Variants in APCDD1L observed in about 807,000 individuals in gnomAD.
The protein encoded by APCDD1L is protein APCDD1-like.
A neutral mutation model predicts 24.2 loss-of-function variants in APCDD1L; 21 were observed. That is an observed-to-expected ratio of 0.87 (90% CI 0.61 to 1.25). The LOEUF (loss-of-function observed/expected upper bound fraction) is 1.25, where lower values mean the gene tolerates loss of function less well. APCDD1L is among the 50% of genes most tolerant of loss of function. The probability of loss-of-function intolerance (pLI) is 0.00; values close to 1 mark genes in which losing one functional copy is unlikely to be tolerated. For missense variants in APCDD1L, 704 were observed against 711.7 expected, an observed-to-expected ratio of 0.99 and a Z score of 0.12; for synonymous variants, 321 against 323.6, an observed-to-expected ratio of 0.99 and a Z score of 0.09.
chr20:58,480,437 C>T (rs555650381), intron 1 of APCDD1L, among the ~76,000 whole-genome samples: 1 of 152,196 alleles, frequency 6.6e-6, no homozygotes, highest in Non-Finnish European at 1.5e-5. Context: ...ACTGGCCCCC[C>T]AGTTCTCCAT....
intron 1 of APCDD1L, among the ~76,000 whole-genome samples, chr20:58,503,084 G>T (rs1278905598): frequency 6.6e-6 from 1 of 152,144 alleles, no homozygotes; most frequent in Non-Finnish European, 1.5e-5. Flanking sequence ...TTTCCCTAAG[G>T]CAGCATTTAC....
rs372142674 is a variant in APCDD1L, at chr20:58,512,814, G to C, written c.49+1845C>G. Among the ~76,000 whole-genome samples, 15 of 152,172 alleles carry C rather than the reference G, an allele frequency of 9.9e-5. 2 individuals are homozygous for C. Among genetic ancestry groups the C allele is most frequent in the African/African-American group, 3.6e-4 (15 of 41,536 alleles). On this transcript the variant is annotated intron_variant, in intron 1 of 3. Coordinates refer to ENST00000371149, the MANE Select transcript of APCDD1L (RefSeq NM_153360.3). ...TCAGTGGAAAATAGTGCCCGGTGTAGAGCTGGGAGCTGCAGTGGCAGGCTG... is the reference window on the plus strand; with the variant it reads ...TCAGTGGAAAATAGTGCCCGGTGTACAGCTGGGAGCTGCAGTGGCAGGCTG...
Position 58,498,120 on chromosome 20 carries a change from G to A in APCDD1L, c.49+16539C>T, listed in dbSNP as rs140422320. Reference sequence around the variant, plus strand: ...GAGGCGTTTTCATGCTAACTATGGCGTTCTTTGTCTCATTTGCAATGGAAA... The same window carrying A: ...GAGGCGTTTTCATGCTAACTATGGCATTCTTTGTCTCATTTGCAATGGAAA... On this transcript the variant is annotated intron_variant, in intron 1 of 3. Transcript: ENST00000371149. 8.7e-4 allele frequency among the ~76,000 whole-genome samples: 132 copies of A among 152,198 alleles called. 1 individual carries two copies. The highest frequency in any genetic ancestry group is 2.8e-3 in the African/African-American group (118 of 41,532).
intron 1 of APCDD1L, among the ~76,000 whole-genome samples, chr20:58,488,914 G>A (rs552386961): frequency 6.6e-6 from 1 of 152,234 alleles, no homozygotes; most frequent in South Asian, 2.1e-4. Flanking sequence ...CAAGGTCCAA[G>A]ATGCTTCTGT....
intron 1 of APCDD1L, among the ~76,000 whole-genome samples, chr20:58,479,647 A>T (rs1434475294): frequency 7.3e-5 from 11 of 151,112 alleles, no homozygotes; most frequent in Non-Finnish European, 1.5e-4. Context: ...TTTATTTCAA[A>T]ACCGTCAGCT....
Position 58,461,229 on chromosome 20 carries a change from G to A in APCDD1L, c.1067C>T (p.Thr356Ile), listed in dbSNP as rs1428719806. 6.8e-6 allele frequency: 11 copies of A among 1,613,682 alleles called. No individual in the cohort carries two copies. The highest frequency in any genetic ancestry group is 9.3e-6 in the Non-Finnish European group (11 of 1,179,894). ...GTCCATGGGGGTCACATGGGCCCGT[G>A]TGACCTCAAACACCAGCTCGGTGCC... ...RGGTELVFEV[T>I]RAHVTPMDQV... Residue 356 changes from threonine to isoleucine, a missense_variant, in exon 4 of 4, where the codon ACA (threonine) becomes ATA (isoleucine). Thr to Ile is a moderately conservative substitution (Grantham distance 89). Transcript: ENST00000371149. The surrounding 1 kb of genome is among the most constrained non-coding windows in gnomAD (Gnocchi z 6.0).
intron 1 of APCDD1L, among the ~76,000 whole-genome samples, chr20:58,479,434 G>A (rs931082278): frequency 2.6e-5 from 4 of 152,280 alleles, no homozygotes; most frequent in Non-Finnish European, 2.9e-5. Context: ...ACATTTTGCT[G>A]TATCAGAGGT....
chr20:58,489,077 AG>A (rs1039983039), intron 1 of APCDD1L, among the ~76,000 whole-genome samples: 5 of 152,226 alleles, frequency 3.3e-5, no homozygotes, highest in African/African-American at 1.2e-4. Context: ...CAGATCCAGC[AG>A]GTTTTTATAA....
At chr20:58,470,316 C>T (rs781021764) in intron 2 of APCDD1L, among the ~76,000 whole-genome samples, 5 of 152,308 alleles carry the variant, frequency 3.3e-5, no homozygotes, top group South Asian at 2.1e-4. Context: ...TTTGTGTGTT[C>T]GCATGTTGAG....
chr20:58,495,139 G>A (rs1165347915), intron 1 of APCDD1L, among the ~76,000 whole-genome samples: 1 of 152,300 alleles, frequency 6.6e-6, no homozygotes, highest in South Asian at 2.1e-4. Context: ...GGACACCTCT[G>A]TCTCCCTCAA....
chr20:58,498,258 A>G (rs892142968), intron 1 of APCDD1L, among the ~76,000 whole-genome samples: 1 of 152,186 alleles, frequency 6.6e-6, no homozygotes, highest in African/African-American at 2.4e-5. Flanking sequence ...GCTAGCTTCA[A>G]AAGCGTCTTG....
chr20:58,472,469 G>A (rs1045599177), intron 1 of APCDD1L, among the ~76,000 whole-genome samples: 2 of 152,190 alleles, frequency 1.3e-5, no homozygotes, highest in African/African-American at 4.8e-5. Flanking sequence ...CGGCGTCACC[G>A]GTGCTTGTCT....
chr20:58,463,895 G>GGT (rs1491346361), intron 3 of APCDD1L, among the ~76,000 whole-genome samples: 1 of 21,372 alleles, frequency 4.7e-5, no homozygotes, highest in East Asian at 7.5e-3. Flanking sequence ...GTTTTTTTTT[G>GGT]GGGGGGGGGG....
At chr20:58,513,637 A>AC in intron 1 of APCDD1L, among the ~76,000 whole-genome samples, 1 of 151,770 alleles carries the variant, frequency 6.6e-6, no homozygotes, top group East Asian at 1.9e-4. Context: ...GCCCCTCTTC[A>AC]CCCCGGGGTT....
chr20:58,463,359 T>G (rs1432688070), intron 3 of APCDD1L, among the ~76,000 whole-genome samples: 1 of 152,140 alleles, frequency 6.6e-6, no homozygotes, highest in African/African-American at 2.4e-5. Context: ...GTCTTTGCCC[T>G]TATTTACAGT....
chr20:58,510,804 C>A (rs1428402775), intron 1 of APCDD1L, among the ~76,000 whole-genome samples: 1 of 152,190 alleles, frequency 6.6e-6, no homozygotes, highest in Non-Finnish European at 1.5e-5. Flanking sequence ...CAGGGTTAAA[C>A]CCAAAGAATT....
rs1989784808 is a variant in APCDD1L at position 58,470,257 on chromosome 20, T to C, written c.188+352A>G. 2.6e-5 allele frequency among the ~76,000 whole-genome samples: 4 copies of C among 152,402 alleles called. No homozygotes were observed. The South Asian group carries it at 8.3e-4, about 32-fold the overall frequency. On this transcript the variant is annotated intron_variant, in intron 2 of 3. Transcript: ENST00000371149. ...TCACTTGCTATCACATCTTTGGTTT[T>C]ATTTCCTTCATTGAAGAACTTAGTG...
chr20:58,465,403 A>G (rs4810132), intron 3 of APCDD1L, among the ~76,000 whole-genome samples: 128,183 of 152,152 alleles, frequency 0.84, 54,257 homozygotes, highest in East Asian at 1. Context: ...CATTGGGGCA[A>G]TAACAAGTGG....
intron 1 of APCDD1L, among the ~76,000 whole-genome samples, chr20:58,504,765 G>A (rs1990502229): frequency 6.6e-6 from 1 of 152,108 alleles, no homozygotes; most frequent in Admixed American, 6.5e-5. Context: ...CTAGATGTTT[G>A]GGGCCCCGAT....
Sources: allele counts gnomAD v4.1 joint callset (sites outside exome capture counted in the v4.1 genomes callset), GRCh38; gene constraint gnomAD v4.1.1; non-coding constraint Gnocchi (gnomAD v3.1); transcripts MANE v1.5; gene names NCBI Gene and HGNC (gene_info 2026-07-23, HGNC 2026-07-21).